The following CCDC171 variants were observed in gnomAD, a reference collection of about 807,000 sequenced individuals.
CCDC171 encodes the protein coiled-coil domain containing 171, also known as coiled-coil domain-containing protein 171.
A neutral mutation model predicts 168.2 loss-of-function variants in CCDC171; 177 were observed. The ratio of observed to expected loss-of-function variants is 1.05; its 90% CI spans 0.93 to 1.19. CCDC171 has a LOEUF of 1.19. Among genes scored for constraint, CCDC171 ranks in the 50% most tolerant of loss-of-function variants. CCDC171 has a pLI of 0.00. For missense variants in CCDC171, 1,991 were observed against 1,539.0 expected (o/e 1.29, Z -4.91); for synonymous variants, 687 against 540.8 (o/e 1.27, Z -3.75).
chr9:15,935,081 T>C (rs1170253423), intron 25 of CCDC171, among the ~76,000 whole-genome samples: 2 of 152,114 alleles, frequency 1.3e-5, no homozygotes, highest in Admixed American at 6.6e-5. Context: ...TGGAACTACA[T>C]GGTGGTGATG....
At chr9:15,764,831 A>G (rs565349406) in intron 18 of CCDC171, among the ~76,000 whole-genome samples, 1 of 152,288 alleles carries the variant, frequency 6.6e-6, no homozygotes, top group South Asian at 2.1e-4. Context: ...GCTTTTTAAA[A>G]ATAGTGAAGC....
intron 24 of CCDC171, among the ~76,000 whole-genome samples, chr9:15,888,809 C>T (rs140276144): frequency 4.9e-4 from 74 of 152,166 alleles, no homozygotes; most frequent in African/African-American, 1.7e-3. Flanking sequence ...AAACTGGTAA[C>T]TTGAAGGCAA....
intron 3 of CCDC171, among the ~76,000 whole-genome samples, chr9:15,575,508 C>G (rs2040577138): frequency 6.6e-6 from 1 of 152,156 alleles, no homozygotes; most frequent in African/African-American, 2.4e-5. Context: ...ATACTGGAAA[C>G]TTAGGACTAA....
At chr9:15,881,110 G>T (rs935234240) in intron 24 of CCDC171, among the ~76,000 whole-genome samples, 20 of 152,112 alleles carry the variant, frequency 1.3e-4, no homozygotes, top group Non-Finnish European at 2.1e-4. Context: ...AGTGAATTTG[G>T]TGCTTTTTTC....
At chr9:15,641,067 A>G (rs1382753871) in intron 7 of CCDC171, among the ~76,000 whole-genome samples, 2 of 152,206 alleles carry the variant, frequency 1.3e-5, no homozygotes, top group African/African-American at 2.4e-5. Flanking sequence ...ATGATGATTC[A>G]GTCCCTTGGA....
At chr9:15,680,371 G>C (rs953060978) in intron 10 of CCDC171, among the ~76,000 whole-genome samples, 3 of 152,096 alleles carry the variant, frequency 2.0e-5, no homozygotes, top group African/African-American at 2.4e-5. Context: ...TTCACTTTCA[G>C]TTATATTCCA....
chr9:16,028,246 T>G (rs1289943553), intron 6 of CCDC171, among the ~76,000 whole-genome samples: 1 of 152,192 alleles, frequency 6.6e-6, no homozygotes, highest in African/African-American at 2.4e-5. Flanking sequence ...ATTGGAAGCT[T>G]CTTCCGTGGT....
At chr9:15,761,211 C>G (rs1350980555) in intron 18 of CCDC171, among the ~76,000 whole-genome samples, 4 of 152,052 alleles carry the variant, frequency 2.6e-5, no homozygotes, top group African/African-American at 9.7e-5. Flanking sequence ...CCAAATATAC[C>G]CCTGCTAGTA....
At chr9:15,716,772 C>G (rs980638195) in intron 11 of CCDC171, among the ~76,000 whole-genome samples, 3 of 152,080 alleles carry the variant, frequency 2.0e-5, no homozygotes, top group African/African-American at 4.8e-5. Context: ...GATAATAAAC[C>G]CATTCCTGTG....
In CCDC171 at chr9:15,905,775, G is replaced by C. The variant is rs1400636188; in HGVS notation, c.3601-14495G>C. On this transcript the variant is annotated intron_variant, in intron 24 of 25. Coordinates refer to ENST00000380701, the MANE Select transcript of CCDC171 (RefSeq NM_173550.4). Reference sequence around the variant, plus strand: ...GATCAACCAGATTGATAGACTGCTAGCAAGACTAATAAAGAAGAAAAGAGA... The same window carrying C: ...GATCAACCAGATTGATAGACTGCTACCAAGACTAATAAAGAAGAAAAGAGA... 3.9e-5 allele frequency among the ~76,000 whole-genome samples: 6 copies of C among 152,182 alleles called. No individual in the cohort carries two copies. In the East Asian group the frequency reaches 1.2e-3, roughly 29 times the overall value.
intron 25 of CCDC171, among the ~76,000 whole-genome samples, chr9:15,969,887 A>T (rs1831173636): frequency 6.6e-6 from 1 of 152,164 alleles, no homozygotes; most frequent in Admixed American, 6.5e-5. Context: ...CCTCTGATGT[A>T]ATGAGATGCC....
intron 21 of CCDC171, among the ~76,000 whole-genome samples, chr9:15,830,638 G>A (rs922449105): frequency 6.6e-6 from 1 of 152,134 alleles, no homozygotes; most frequent in Non-Finnish European, 1.5e-5. Flanking sequence ...ATGTCAAAAA[G>A]GAGATAGGAA....
intron 16 of CCDC171, among the ~76,000 whole-genome samples, chr9:15,732,925 G>A (rs528998700): frequency 1.3e-5 from 2 of 152,064 alleles, no homozygotes; most frequent in Non-Finnish European, 2.9e-5. Flanking sequence ...ACTCTCACTA[G>A]CAATGTAAGA....
intron 18 of CCDC171, among the ~76,000 whole-genome samples, chr9:15,752,866 G>A (rs767195136): frequency 6.6e-6 from 1 of 151,996 alleles, no homozygotes; most frequent in African/African-American, 2.4e-5. Flanking sequence ...TTGTGTACAT[G>A]TACCCCAGAA....
At chr9:16,036,374 G>A (rs1283078317) in intron 8 of CCDC171, among the ~76,000 whole-genome samples, 1 of 152,238 alleles carries the variant, frequency 6.6e-6, no homozygotes, top group African/African-American at 2.4e-5. Context: ...GCCGGGCACG[G>A]TGGCTCACGC....
chr9:15,656,514 A>C (rs1357849350), intron 7 of CCDC171, among the ~76,000 whole-genome samples: 5 of 152,246 alleles, frequency 3.3e-5, no homozygotes, highest in African/African-American at 1.2e-4. Context: ...CAGATAAACC[A>C]ATTGTGGTCT....
At chr9:15,837,761 T>TA (rs201752596) in intron 21 of CCDC171, among the ~76,000 whole-genome samples, 1 of 152,202 alleles carries the variant, frequency 6.6e-6, no homozygotes, top group Admixed American at 6.5e-5. Flanking sequence ...GAAGAGTGGT[T>TA]AAAAATTATA....
intron 25 of CCDC171, among the ~76,000 whole-genome samples, chr9:15,968,843 G>C (rs1478346660): frequency 6.6e-6 from 1 of 152,062 alleles, no homozygotes; most frequent in African/African-American, 2.4e-5. Flanking sequence ...CCAGCCGGTG[G>C]CTTCTTTTTA....
intron 18 of CCDC171, among the ~76,000 whole-genome samples, chr9:15,766,953 C>A (rs377253814): frequency 6.6e-6 from 1 of 152,158 alleles, no homozygotes; most frequent in East Asian, 1.9e-4. Context: ...TGAGCCACTG[C>A]ACCTGGTTTC....
Sources: allele counts gnomAD v4.1 joint callset (sites outside exome capture counted in the v4.1 genomes callset), GRCh38; gene constraint gnomAD v4.1.1; transcripts MANE v1.5; gene names NCBI Gene and HGNC (gene_info 2026-07-23, HGNC 2026-07-21).